The following NIBAN3 variants were observed in gnomAD, a reference collection of about 807,000 sequenced individuals.
NIBAN3 encodes niban apoptosis regulator 3.
A neutral mutation model predicts 76.4 loss-of-function variants in NIBAN3; 66 were observed. The ratio of observed to expected loss-of-function variants is 0.86; its 90% confidence interval spans 0.71 to 1.06. The LOEUF (loss-of-function observed/expected upper bound fraction) is 1.06. NIBAN3 is among the 50% of genes least tolerant of loss of function. NIBAN3 has a pLI of 0.00. For synonymous variants in NIBAN3, 360 were observed against 355.2 expected (o/e 1.01, Z -0.15); for missense variants, 808 against 810.7 (o/e 1.00, Z 0.04).
At position 17,530,823 on chromosome 19, in the gene NIBAN3, C is replaced by A. The variant is rs757314256; in HGVS notation, c.124C>A (p.Arg42=). Residue 42 remains arginine (R), a synonymous_variant, in exon 2 of 15, where the codon CGG becomes AGG. Coordinates refer to ENST00000599164, the MANE Select transcript of NIBAN3 (RefSeq NM_001321827.2). ...TGGGCAGCTGGCAGCGTCTGTCCTG[C>A]GGCAGATCTCTCGAGAGCTGGGCCC... The part of the protein sequence containing the change: ...YRGQLAASVL[R]QISRELGPQE... The A allele has an allele frequency of 2.5e-6, 4 of 1,613,622 alleles. No individual in the cohort carries two copies. The East Asian group carries it at 8.9e-5, about 36-fold the overall frequency.
At chr19:17,547,045 G>A (rs2076068942) in intron 13 of NIBAN3, among the ~76,000 whole-genome samples, 1 of 152,084 alleles carries the variant, frequency 6.6e-6, no homozygotes, top group African/African-American at 2.4e-5. Context: ...AGAAGAAGGA[G>A]GCAGAGTTCA....
chr19:17,548,977 A>C (rs1203627398), intron 13 of NIBAN3, among the ~76,000 whole-genome samples: 1 of 151,106 alleles, frequency 6.6e-6, no homozygotes, highest in Non-Finnish European at 1.5e-5. Flanking sequence ...GAGAGTTGGG[A>C]GACACCCCCA....
chr19:17,544,945 T>C (rs1936875365), intron 12 of NIBAN3, among the ~76,000 whole-genome samples: 1 of 152,042 alleles, frequency 6.6e-6, no homozygotes, highest in Non-Finnish European at 1.5e-5. Flanking sequence ...AGGCCAGGCG[T>C]GGTGGCACAT....
At chr19:17,553,817 T>A (rs1257770699), downstream of NIBAN3, 3 of 382,952 alleles carry the variant, frequency 7.8e-6, no homozygotes, top group Non-Finnish European at 1.4e-5. Flanking sequence ...TTTTCTTACT[T>A]AATATGAAAA....
At chr19:17,535,616 C>G (rs1280235496) in intron 4 of NIBAN3, among the ~76,000 whole-genome samples, 1 of 152,084 alleles carries the variant, frequency 6.6e-6, no homozygotes, top group Non-Finnish European at 1.5e-5. Flanking sequence ...AGCGTGGTGG[C>G]ACACGCCTAT....
At chr19:17,541,603 GT>G (rs2075953242) in intron 9 of NIBAN3, among the ~76,000 whole-genome samples, 1 of 151,700 alleles carries the variant, frequency 6.6e-6, no homozygotes, top group Non-Finnish European at 1.5e-5. Context: ...GTTTTTTCAG[GT>G]TTTATCATTT....
At chr19:17,531,644 G>A (rs1203198402) in intron 2 of NIBAN3, among the ~76,000 whole-genome samples, 2 of 152,020 alleles carry the variant, frequency 1.3e-5, no homozygotes, top group South Asian at 2.1e-4. Context: ...AGCGATTCTC[G>A]TGCCTCAGCC....
chr19:17,537,298 G>A (rs1238330027), intron 4 of NIBAN3, 78 bp from the exon 5 acceptor site: 1 of 1,389,232 alleles, frequency 7.2e-7, no homozygotes, highest in African/African-American at 1.4e-5. Flanking sequence ...CCATGCCAGG[G>A]ACTGCTGTAT....
chr19:17,537,613 G>C, intron 5 of NIBAN3, 70 bp downstream of exon 5: 2 of 1,425,200 alleles, frequency 1.4e-6, no homozygotes, highest in Non-Finnish European at 1.9e-6. Context: ...GCCTCTGTTG[G>C]CTCGGGACCT....
rs192694650 is a variant in NIBAN3, at chr19:17,534,030, G to A, written c.427+329G>A. ...AGGTCATGGGACCAGAATCAGAATAGCAAAGGATAAAAACAGTAAAATCTG... is the reference window on the plus strand; with the variant it reads ...AGGTCATGGGACCAGAATCAGAATAACAAAGGATAAAAACAGTAAAATCTG... On this transcript the variant is annotated intron_variant, in intron 4 of 14. Transcript: ENST00000599164. Among the ~76,000 whole-genome samples the A allele has an allele frequency of 6.6e-5, 10 of 152,274 alleles. No individual in the cohort carries two copies. In the East Asian group the frequency reaches 1.7e-3, roughly 26 times the overall value.
upstream of NIBAN3, among the ~76,000 whole-genome samples, chr19:17,523,884 G>C (rs1004811722): frequency 7.2e-5 from 11 of 152,040 alleles, no homozygotes; most frequent in African/African-American, 2.7e-4. Context: ...TGCATGGCTT[G>C]GGCCCTCGCT....
At chr19:17,548,940 T>G (rs1036461952) in intron 13 of NIBAN3, among the ~76,000 whole-genome samples, 24 of 151,690 alleles carry the variant, frequency 1.6e-4, no homozygotes, top group Middle Eastern at 3.4e-3. Flanking sequence ...AAAAGTTGTT[T>G]TTTTTTTTTT....
chr19:17,527,149 A>G (rs543197145), upstream of NIBAN3: 1,070 of 1,452,386 alleles, frequency 7.4e-4, 10 homozygotes, highest in African/African-American at 0.014. Context: ...CTCTACAGAA[A>G]CCACTGGCTC....
rs139938707 is a variant in NIBAN3, at chr19:17,535,599, T to C, written c.428-1777T>C. Among the ~76,000 whole-genome samples, 642 of 152,096 alleles carry C rather than the reference T, an allele frequency of 4.2e-3. 3 individuals carry two copies. Among genetic ancestry groups the C allele is most frequent in the African/African-American group, 0.015 (610 of 41,488 alleles). ...CCCACCTCTACTAAAAATACAAAAA[T>C]TAGCCGAGCGTGGTGGCACACGCCT... On this transcript the variant is annotated intron_variant, in intron 4 of 14. Coordinates refer to ENST00000599164, the MANE Select transcript of NIBAN3 (RefSeq NM_001321827.2).
At chr19:17,523,674 G>A (rs776353825), upstream of NIBAN3, among the ~76,000 whole-genome samples, 2 of 152,088 alleles carry the variant, frequency 1.3e-5, no homozygotes, top group Non-Finnish European at 2.9e-5. Context: ...TTTTGCCTTC[G>A]GAGTGAAATT....
chr19:17,534,745 C>G lies in NIBAN3; in HGVS notation c.427+1044C>G, dbSNP rs142769171. Among the ~76,000 whole-genome samples the G allele has an allele frequency of 9.8e-3, 1,459 of 148,560 alleles. 15 individuals are homozygous for G. The highest frequency in any genetic ancestry group is 0.032 in the African/African-American group (1,295 of 39,904). On this transcript the variant is annotated intron_variant, in intron 4 of 14. Transcript: ENST00000599164. ...GGCAGAGCTTGCAGTGAGCCGAGAT[C>G]GCGCCACTGCACTCCAGCCAGGGTG...
chr19:17,551,019 C>G (rs1254346659), intron 14 of NIBAN3, among the ~76,000 whole-genome samples: 1 of 151,788 alleles, frequency 6.6e-6, no homozygotes, highest in Non-Finnish European at 1.5e-5. Flanking sequence ...CTTTTAGCTC[C>G]TTTTCTGAGA....
chr19:17,548,928 A>G (rs2076107576), intron 13 of NIBAN3, among the ~76,000 whole-genome samples: 1 of 151,524 alleles, frequency 6.6e-6, no homozygotes, highest in Admixed American at 6.6e-5. Context: ...TCCATCTCAA[A>G]AAAAAGTTGT....
upstream of NIBAN3, among the ~76,000 whole-genome samples, chr19:17,524,581 A>G (rs111952579): frequency 9.2e-3 from 1,404 of 152,348 alleles, 21 homozygotes; most frequent in African/African-American, 0.032. Context: ...CACAACAGCC[A>G]GCTGAAAAAA....
Sources: allele counts gnomAD v4.1 joint callset (sites outside exome capture counted in the v4.1 genomes callset), GRCh38; gene constraint gnomAD v4.1.1; transcripts MANE v1.5; gene names NCBI Gene and HGNC (gene_info 2026-07-23, HGNC 2026-07-21).